The following GRIK2 variants were observed in gnomAD, a reference collection of about 807,000 sequenced individuals.
GRIK2 encodes glutamate ionotropic receptor kainate type subunit 2.
Under a neutral mutation model 100.3 loss-of-function variants are expected in GRIK2, and 32 were observed. The ratio of observed to expected loss-of-function variants is 0.32; its 90% CI spans 0.24 to 0.43. The LOEUF (loss-of-function observed/expected upper bound fraction) is 0.43. GRIK2 is among the 20% of genes least tolerant of loss of function. GRIK2 has a pLI of 1.00. For synonymous variants in GRIK2, 417 were observed against 389.4 expected (o/e 1.07, Z -0.83); for missense variants, 843 against 1,114.9 (o/e 0.76, Z 3.47).
intron 10 of GRIK2, among the ~76,000 whole-genome samples, chr6:101,830,784 A>C (rs189310682): frequency 1.7e-3 from 259 of 152,212 alleles, no homozygotes; most frequent in African/African-American, 5.9e-3. Context: ...TAATTAGTTC[A>C]GCCCCTGTAG....
chr6:101,858,401 T>C (rs1217050376), intron 10 of GRIK2, among the ~76,000 whole-genome samples: 66 of 147,332 alleles, frequency 4.5e-4, no homozygotes, highest in Non-Finnish European at 7.8e-4. Flanking sequence ...TTTTTTTTTT[T>C]TTTTGAGACG....
chr6:101,547,225 A>C (rs1200204914), intron 2 of GRIK2, among the ~76,000 whole-genome samples: 1 of 152,218 alleles, frequency 6.6e-6, no homozygotes, highest in Non-Finnish European at 1.5e-5. Context: ...ATGTGAAATC[A>C]TGAAAACAAA....
At chr6:102,012,421 A>G (rs150714565) in intron 14 of GRIK2, among the ~76,000 whole-genome samples, 6 of 152,138 alleles carry the variant, frequency 3.9e-5, no homozygotes, top group Non-Finnish European at 7.3e-5. Flanking sequence ...TGTTGACTTT[A>G]TAGATAAAGT....
intron 2 of GRIK2, among the ~76,000 whole-genome samples, chr6:101,449,081 GA>G (rs1260912585): frequency 6.6e-6 from 1 of 151,358 alleles, no homozygotes; most frequent in African/African-American, 2.4e-5. Context: ...TATTAGTAAA[GA>G]AAATTGACAA....
In GRIK2 at chr6:101,877,432, T is replaced by G. The variant is rs117036964; in HGVS notation, c.1525-12208T>G. 2.4e-4 allele frequency among the ~76,000 whole-genome samples: 37 copies of G among 152,022 alleles called. No homozygotes were observed. The East Asian group carries it at 7.2e-3, about 30-fold the overall frequency. Reference sequence around the variant, plus strand: ...TTAATTATTATAAGCAATCTAGAGATGATTTAAAGTATACAGGAGGATGTG... The same window carrying G: ...TTAATTATTATAAGCAATCTAGAGAGGATTTAAAGTATACAGGAGGATGTG... On this transcript the variant is annotated intron_variant, in intron 11 of 16. Coordinates refer to ENST00000369134, the MANE Select transcript of GRIK2 (RefSeq NM_021956.5).
intron 2 of GRIK2, among the ~76,000 whole-genome samples, chr6:101,496,996 G>A (rs1216912794): frequency 6.6e-6 from 1 of 152,128 alleles, no homozygotes; most frequent in Non-Finnish European, 1.5e-5. Flanking sequence ...ACTTTCAAGA[G>A]CTAAATAGAT....
chr6:101,921,478 A>G (rs1324958997), intron 12 of GRIK2, among the ~76,000 whole-genome samples: 1 of 152,058 alleles, frequency 6.6e-6, no homozygotes, highest in Non-Finnish European at 1.5e-5. Context: ...TTAAAAAGTG[A>G]ATCCGAAAGA....
At position 101,605,703 on chromosome 6, in the gene GRIK2, T is replaced by A. The variant is rs1009213536; in HGVS notation, c.116-16246T>A. ...CCAAAAAACAAACAAACAAAAACAC[T>A]TTAACTACATTTTTTCCTTTTATGT... is the stretch of plus-strand genomic sequence containing the variant. On this transcript the variant is annotated intron_variant, in intron 2 of 16. Transcript: ENST00000369134. Among the ~76,000 whole-genome samples, 5 of 151,962 alleles carry A rather than the reference T, an allele frequency of 3.3e-5. No individual in the cohort carries two copies. The East Asian group carries it at 9.7e-4, about 30-fold the overall frequency.
intron 14 of GRIK2, among the ~76,000 whole-genome samples, chr6:102,002,904 A>G (rs1260478497): frequency 6.6e-6 from 1 of 151,002 alleles, no homozygotes; most frequent in African/African-American, 2.4e-5. Flanking sequence ...CTATGTTTAA[A>G]TATTGCATGG....
intron 2 of GRIK2, among the ~76,000 whole-genome samples, chr6:101,447,985 A>C (rs1045249314): frequency 6.6e-6 from 1 of 151,714 alleles, no homozygotes; most frequent in African/African-American, 2.4e-5. Flanking sequence ...TATGAGCATG[A>C]CCATAATGTG....
At chr6:101,424,216 C>A (rs912501981) in intron 2 of GRIK2, among the ~76,000 whole-genome samples, 1 of 151,644 alleles carries the variant, frequency 6.6e-6, no homozygotes, top group East Asian at 1.9e-4. Flanking sequence ...ATGTACACAA[C>A]ATGCAGGTTT....
chr6:101,686,792 TACTC>T (rs1239803382), intron 7 of GRIK2, among the ~76,000 whole-genome samples: 5 of 152,126 alleles, frequency 3.3e-5, no homozygotes, highest in African/African-American at 9.6e-5. Flanking sequence ...CGCATGAGCT[TACTC>T]ACTCTTTAAG....
intron 2 of GRIK2, among the ~76,000 whole-genome samples, chr6:101,516,588 C>G (rs1161386729): frequency 6.6e-6 from 1 of 152,042 alleles, no homozygotes; most frequent in Non-Finnish European, 1.5e-5. Flanking sequence ...AAAATCAACT[C>G]AAAATATGGA....
chr6:101,393,872 C>G (rs1460631763), intron 1 of GRIK2, among the ~76,000 whole-genome samples, 35 bp downstream of exon 1: 1 of 144,472 alleles, frequency 6.9e-6, no homozygotes, highest in Non-Finnish European at 1.5e-5. Flanking sequence ...GCACTCCGGG[C>G]TCCTTCACGA....
intron 2 of GRIK2, among the ~76,000 whole-genome samples, chr6:101,540,087 T>A (rs1775911594): frequency 6.6e-6 from 1 of 151,860 alleles, no homozygotes; most frequent in Non-Finnish European, 1.5e-5. Flanking sequence ...TTTCACCTGA[T>A]TTTTAGATAT....
At chr6:101,961,919 G>T (rs562482133) in intron 14 of GRIK2, among the ~76,000 whole-genome samples, 1 of 152,236 alleles carries the variant, frequency 6.6e-6, no homozygotes, top group African/African-American at 2.4e-5. Flanking sequence ...TGCCCAACTG[G>T]TATGGCACCT....
chr6:101,860,129 A>G (rs896686292), intron 11 of GRIK2, among the ~76,000 whole-genome samples: 4 of 152,074 alleles, frequency 2.6e-5, no homozygotes, highest in Non-Finnish European at 4.4e-5. Flanking sequence ...ATTCATTATG[A>G]TCTAAACAAG....
intron 14 of GRIK2, 135 bp downstream of exon 14, chr6:101,928,767 T>A (rs1164402512): frequency 4.8e-6 from 3 of 621,762 alleles, no homozygotes; most frequent in Admixed American, 2.6e-5. Flanking sequence ...CCTCAAGGGG[T>A]GGAGAGGTGT....
chr6:101,409,703 C>T (rs1775789553), intron 2 of GRIK2, among the ~76,000 whole-genome samples: 1 of 151,882 alleles, frequency 6.6e-6, no homozygotes, highest in Non-Finnish European at 1.5e-5. Context: ...GTATTATTTG[C>T]TACCTGTTTA....
Sources: gnomAD v4.1 joint callset for allele counts (sites outside exome capture counted in the v4.1 genomes callset) on GRCh38, gnomAD v4.1.1 for gene constraint, MANE v1.5 for transcripts, NCBI Gene and HGNC (gene_info 2026-07-23, HGNC 2026-07-21) for gene names.